Variants in RUNDC3A observed in about 807,000 individuals in gnomAD.
The protein encoded by RUNDC3A is RUN domain containing 3A, also known as RUN domain-containing protein 3A.
A neutral mutation model predicts 53.9 loss-of-function variants in RUNDC3A; 28 were observed. That is an observed-to-expected ratio of 0.52 (90% CI 0.38 to 0.71). The LOEUF (loss-of-function observed/expected upper bound fraction) is 0.71, where lower values mean the gene tolerates loss of function less well. RUNDC3A is among the 30% of genes least tolerant of loss of function. The pLI is 0.00. For missense variants in RUNDC3A, 491 were observed against 597.3 expected, an observed-to-expected ratio of 0.82 and a Z score of 1.85; for synonymous variants, 232 against 249.4, an observed-to-expected ratio of 0.93 and a Z score of 0.66.
intron 1 of RUNDC3A, 30 bp downstream of exon 1, chr17:44,308,969 G>T (rs1452425039): frequency 1.3e-6 from 2 of 1,491,344 alleles, no homozygotes; most frequent in Non-Finnish European, 1.8e-6. Context: ...GGGGGCTGGG[G>T]TGGTGAGGGA....
chr17:44,314,857 G>T (rs369463851), intron 5 of RUNDC3A, 33 bp downstream of exon 5: 2 of 1,613,746 alleles, frequency 1.2e-6, no homozygotes, highest in African/African-American at 2.7e-5. Context: ...GGTGGAGGGG[G>T]CTGTTTCCCC....
rs372836661 is a variant in RUNDC3A, at chr17:44,317,666, CTTCT to C, written c.1199-427_1199-424del. 24 of 668,784 alleles carry C rather than the reference CTTCT, an allele frequency of 3.6e-5. No homozygotes were observed. In the African/African-American group the frequency reaches 3.7e-4, roughly 10 times the overall value. 41.4% of individuals were successfully genotyped at this position (668,784 alleles called of 1,614,324 possible). A position where few individuals can be genotyped will look rare whatever the true frequency, so the allele number is the denominator to read the frequency against. ...CACACTGTATTGGATGACCCTAGAT[CTTCT>C]TTGAGACAAGGCAGGCTGTGGCCAT... is the stretch of plus-strand genomic sequence containing the variant. On this transcript the variant is annotated intron_variant, in intron 10 of 10. Coordinates refer to ENST00000426726, the MANE Select transcript of RUNDC3A (RefSeq NM_001144825.2).
At chr17:44,316,348 A>G in intron 8 of RUNDC3A, 37 bp from the exon 9 acceptor site, 1 of 1,580,970 alleles carries the variant, frequency 6.3e-7, no homozygotes, top group Non-Finnish European at 8.6e-7. Context: ...CACTTCTCCT[A>G]CTTCCAGCCA....
Position 44,314,899 on chromosome 17 carries a change from A to T in RUNDC3A, c.549-30A>T, listed in dbSNP as rs924545138. ...TGTCCTACCCCAACCCCTCACACCCACCTCCAACCCTGTGGCTCCTCTGCC... is the reference window on the plus strand; with the variant it reads ...TGTCCTACCCCAACCCCTCACACCCTCCTCCAACCCTGTGGCTCCTCTGCC... On this transcript the variant is annotated intron_variant, in intron 5 of 10. Coordinates refer to ENST00000426726, the MANE Select transcript of RUNDC3A (RefSeq NM_001144825.2). 7.4e-6 allele frequency: 12 copies of T among 1,613,686 alleles called. No individual in the cohort carries two copies. In the African/African-American group the frequency reaches 1.1e-4, roughly 14 times the overall value.
chr17:44,315,565 G>C lies in RUNDC3A; in HGVS notation c.909G>C (p.Glu303Asp). The C allele has an allele frequency of 6.6e-7, 1 of 1,513,776 alleles. No individual in the cohort carries two copies. Among genetic ancestry groups the C allele is most frequent in the Non-Finnish European group, 8.8e-7 (1 of 1,131,008 alleles). The allele number at this position is 1,513,776 out of a possible 1,614,324, so 93.8% of individuals were successfully genotyped here. Residue 303 changes from glutamate to aspartate, a missense_variant, in exon 8 of 11, where the codon GAG becomes GAC. Around this residue, in one of 2 missense-constraint regions of RUNDC3A, gnomAD observed 218 missense variants for 208.2 expected, o/e 1.05. Transcript: ENST00000426726. The surrounding 1 kb of genome is among the most constrained non-coding windows in gnomAD (Gnocchi z 6.1). ...AGGCGGCGGCGCAGAACCAGCGCGA[G>C]AAACGGGAGCTGGAAGGCGTGATCC... is the stretch of plus-strand genomic sequence containing the variant. Reference protein sequence around the residue: ...LEEAAAQNQREKRELEGVILE... With the variant: ...LEEAAAQNQRDKRELEGVILE...
At chr17:44,309,084 C>G in intron 1 of RUNDC3A, 145 bp downstream of exon 1, 2 of 615,414 alleles carry the variant, frequency 3.2e-6, no homozygotes, top group Non-Finnish European at 5.6e-6. Flanking sequence ...CTCCCAGGCC[C>G]AGAACCCAGA....
At chr17:44,314,691 C>T in intron 4 of RUNDC3A, 44 bp from the exon 5 acceptor site, 1 of 1,388,476 alleles carries the variant, frequency 7.2e-7, no homozygotes, top group South Asian at 1.4e-5. Flanking sequence ...GGGGGGGGCG[C>T]TCCAGGGGCC....
chr17:44,312,620 C>T lies in RUNDC3A; in HGVS notation c.148C>T (p.Pro50Ser). ...KTLLEKYTAEPIDDSSEEFVN... is the reference protein window; with the variant it reads ...KTLLEKYTAESIDDSSEEFVN... Reference sequence around the variant, plus strand: ...GCTGCTGGAGAAGTACACAGCGGAGCCCATCGATGACTCATCGGAGGAGTT... The same window carrying T: ...GCTGCTGGAGAAGTACACAGCGGAGTCCATCGATGACTCATCGGAGGAGTT... The change falls in exon 2 of 11, where the codon CCC becomes TCC. Residue 50 changes from proline (P) to serine (S), a missense_variant. By Grantham distance (74) the Pro-to-Ser change is moderately conservative. Transcript: ENST00000426726. 1.9e-6 allele frequency: 3 copies of T among 1,583,966 alleles called. No individual in the cohort carries two copies. The highest frequency in any genetic ancestry group is 2.6e-6 in the Non-Finnish European group (3 of 1,165,432).
Position 44,313,803 on chromosome 17 carries a change from T to G in RUNDC3A, c.458+300T>G, listed in dbSNP as rs139690164. The G allele has an allele frequency of 2.1e-3, 1,768 of 847,266 alleles. 21 individuals are homozygous for G. In the African/African-American group the frequency reaches 0.03, roughly 14 times the overall value. 52.5% of individuals were successfully genotyped at this position (847,266 alleles called of 1,614,324 possible). On this transcript the variant is annotated intron_variant, in intron 4 of 10. Coordinates refer to ENST00000426726, the MANE Select transcript of RUNDC3A (RefSeq NM_001144825.2). ...TTCAAGCGATTCTCCTGCCTCAGCC[T>G]CCTGAGTAGCTGGGATTACAGGCAT...
intron 4 of RUNDC3A, chr17:44,314,141 T>C: frequency 1.0e-6 from 1 of 992,698 alleles, no homozygotes; most frequent in Non-Finnish European, 1.2e-6. Flanking sequence ...AGCCCTTCTG[T>C]CTCTCCAAAC....
rs977661466 is a variant in RUNDC3A at position 44,315,070 on chromosome 17, T to G, written c.629+61T>G. ...GGGGCCTCGGGACATCCTGGGGACG[T>G]CCTGGTCCCACCGCCCTCAGCGGCC... On this transcript the variant is annotated intron_variant, in intron 6 of 10. Coordinates refer to ENST00000426726, the MANE Select transcript of RUNDC3A (RefSeq NM_001144825.2). This position sits in a 1 kb window ranked among gnomAD's most constrained non-coding sequence, Gnocchi z 6.1. The G allele has an allele frequency of 6.2e-7, 1 of 1,608,564 alleles. No homozygotes were observed. Among genetic ancestry groups the G allele is most frequent in the Non-Finnish European group, 8.5e-7 (1 of 1,177,926 alleles).
Position 44,313,115 on chromosome 17 carries a change from G to A in RUNDC3A, c.235G>A (p.Ala79Thr). ...CTGCCCTGGCTCAGCCTGTGCCCCAGCAGGTCCAGTGAGCTGGTTCAGCTC... is the reference window on the plus strand; with the variant it reads ...CTGCCCTGGCTCAGCCTGTGCCCCAACAGGTCCAGTGAGCTGGTTCAGCTC... ...LSHRFKACAP[A>T]GPVSWFSSDG... is the part of the protein sequence containing the mutation. The change falls in exon 3 of 11, where the codon GCA becomes ACA. Residue 79 changes from alanine (A) to threonine (T), a missense_variant. Ala to Thr is a moderately conservative substitution (Grantham distance 58). Transcript: ENST00000426726. The A allele has an allele frequency of 1.2e-6, 2 of 1,614,016 alleles. No homozygotes were observed. Among genetic ancestry groups the A allele is most frequent in the Non-Finnish European group, 1.7e-6 (2 of 1,179,858 alleles).
Position 44,316,528 on chromosome 17 carries a change from C to G in RUNDC3A, c.1091+6C>G. The G allele has an allele frequency of 6.2e-7, 1 of 1,610,936 alleles. No individual in the cohort carries two copies. Among genetic ancestry groups the G allele is most frequent in the African/African-American group, 1.3e-5 (1 of 75,006 alleles). ...AACTCCAAGCTCTACCGGAGGTAAG[C>G]CCCAGCCAGGTGGGGCTTGGGCCTG... is the stretch of plus-strand genomic sequence containing the variant. On this transcript the variant is annotated splice_donor_region_variant and intron_variant, in intron 9 of 10. Coordinates refer to ENST00000426726, the MANE Select transcript of RUNDC3A (RefSeq NM_001144825.2).
chr17:44,310,786 GCTGAACCCAGTCCAGGCCCCATCATGGT>G (rs1567852104), intron 1 of RUNDC3A: 1 of 985,374 alleles, frequency 1.0e-6, no homozygotes, highest in Non-Finnish European at 1.2e-6. Flanking sequence ...TGGCTGCCAT[GCTGAACCCAGTCCAGGCCCCATCATGGT>G]CTGACCCAGA....
In RUNDC3A at chr17:44,314,729, C is replaced by T. The variant is rs754420486; in HGVS notation, c.459-6C>T. 30 of 1,611,922 alleles carry T rather than the reference C, an allele frequency of 1.9e-5. No homozygotes were observed. The South Asian group carries it at 3.2e-4, about 17-fold the overall frequency. On this transcript the variant is annotated splice_polypyrimidine_tract_variant and splice_region_variant and intron_variant, in intron 4 of 10. Coordinates refer to ENST00000426726, the MANE Select transcript of RUNDC3A (RefSeq NM_001144825.2). ...CTGCATCCTCTGGCCCTCTGCCTCC[C>T]CACAGACGGTTCTATGACTCTGGAG... is the stretch of plus-strand genomic sequence containing the variant.
chr17:44,312,166 G>T (rs2047760272), intron 1 of RUNDC3A, among the ~76,000 whole-genome samples: 1 of 152,192 alleles, frequency 6.6e-6, no homozygotes, highest in Non-Finnish European at 1.5e-5. Flanking sequence ...GCACACACTG[G>T]CTTCTAACAC....
In RUNDC3A at chr17:44,313,044, C is replaced by T. The variant is rs2047781063; in HGVS notation, c.224-60C>T. The T allele has an allele frequency of 9.4e-6, 15 of 1,587,424 alleles. No homozygotes were observed. In the South Asian group the frequency reaches 1.1e-4, roughly 12 times the overall value. ...TATGCTTATGCATGTGAGTGCCTCA[C>T]TACATGGACCCTCTCCAAACTCCCT... On this transcript the variant is annotated intron_variant, in intron 2 of 10. Transcript: ENST00000426726.
chr17:44,312,708 C>T lies in RUNDC3A; in HGVS notation c.223+13C>T. The T allele has an allele frequency of 6.9e-7, 1 of 1,449,344 alleles. No individual in the cohort carries two copies. Among genetic ancestry groups the T allele is most frequent in the Middle Eastern group, 2.4e-4 (1 of 4,194 alleles). 89.8% of individuals were successfully genotyped at this position (1,449,344 alleles called of 1,614,324 possible). ...CACCGCTTCAAAGGTGGGCCCAGCG[C>T]CCCTCCCCCAGCGGTCCCTCCCCCA... is the stretch of plus-strand genomic sequence containing the variant. On this transcript the variant is annotated intron_variant, in intron 2 of 10. Transcript: ENST00000426726.
chr17:44,308,783 G>A lies in RUNDC3A; in HGVS notation c.-50G>A, dbSNP rs1054994314. 3.0e-6 allele frequency: 4 copies of A among 1,332,332 alleles called. No individual in the cohort carries two copies. The highest frequency in any genetic ancestry group is 2.1e-6 in the Non-Finnish European group (2 of 970,148). 82.5% of individuals were successfully genotyped at this position (1,332,332 alleles called of 1,614,324 possible). On this transcript the variant is annotated 5_prime_UTR_variant, in exon 1 of 11. Coordinates refer to ENST00000426726, the MANE Select transcript of RUNDC3A (RefSeq NM_001144825.2). ...GATCCAGCGACGGGTTTGGGGCTCC[G>A]GGAGGGGTGGGGGGGCAGCGGGCGG...
Sources: gnomAD v4.1 joint callset for allele counts (sites outside exome capture counted in the v4.1 genomes callset) on GRCh38, gnomAD v4.1.1 for gene constraint, gnomAD v4.1.1 regional missense constraint, Gnocchi (gnomAD v3.1) non-coding constraint, MANE v1.5 for transcripts, NCBI Gene and HGNC (gene_info 2026-07-23, HGNC 2026-07-21) for gene names.